ASXL3: variants seen among roughly 807,000 people sequenced by gnomAD.
The protein encoded by ASXL3 is putative Polycomb group protein ASXL3.
Under a neutral mutation model 170.6 loss-of-function variants are expected in ASXL3, and 34 were observed. The observed-to-expected ratio is 0.20, with a 90% CI of 0.15 to 0.27. The LOEUF (loss-of-function observed/expected upper bound fraction) is 0.27, where lower values mean the gene tolerates loss of function less well. Ranked by LOEUF, ASXL3 falls within the 10% of genes least tolerant of loss-of-function variation. The pLI, the probability that ASXL3 is intolerant of heterozygous loss-of-function variation, is 1.00. For synonymous variants in ASXL3, 1,002 were observed against 989.1 expected, an observed-to-expected ratio of 1.01 and a Z score of -0.24; for missense variants, 2,592 against 2,695.3, an observed-to-expected ratio of 0.96 and a Z score of 0.85.
Position 33,743,344 on chromosome 18 carries a change from A to G in ASXL3, c.3496A>G (p.Arg1166Gly), listed in dbSNP as rs1178956639. 1 of 1,613,670 alleles carries G rather than the reference A, an allele frequency of 6.2e-7. No homozygotes were observed. Among genetic ancestry groups the G allele is most frequent in the African/African-American group, 1.3e-5 (1 of 74,930 alleles). Residue 1166 changes from arginine to glycine, a missense_variant, in exon 12 of 12, where the codon AGA (arginine) becomes GGA (glycine). Arg to Gly is a moderately radical substitution (Grantham distance 125). Around this residue, in one of 4 missense-constraint regions of ASXL3, gnomAD observed 2,246 missense variants for 2,219.6 expected, o/e 1.01. Coordinates refer to ENST00000269197, the MANE Select transcript of ASXL3 (RefSeq NM_030632.3). ...TGVIIVNPNCRSPSNKSAHLR... is the reference protein window; with the variant it reads ...TGVIIVNPNCGSPSNKSAHLR... ...TGTCATTATTGTCAATCCAAACTGT[A>G]GATCTCCTAGCAACAAGTCTGCCCA...
At chr18:33,724,401 G>C (rs1456851494) in intron 8 of ASXL3, among the ~76,000 whole-genome samples, 1 of 151,830 alleles carries the variant, frequency 6.6e-6, no homozygotes, top group Non-Finnish European at 1.5e-5. Context: ...TCTCAAAATT[G>C]TCCCATTTTC....
intron 8 of ASXL3, among the ~76,000 whole-genome samples, chr18:33,712,179 T>C (rs1242312636): frequency 6.6e-6 from 1 of 152,188 alleles, no homozygotes; most frequent in Non-Finnish European, 1.5e-5. Context: ...TAAAGTATGA[T>C]TTTGGCTGTT....
intron 2 of ASXL3, among the ~76,000 whole-genome samples, chr18:33,608,799 G>T (rs187962047): frequency 5.9e-5 from 9 of 151,928 alleles, no homozygotes; most frequent in Admixed American, 5.9e-4. Context: ...TCCTTCTGAG[G>T]CTGACTTTTT....
intron 10 of ASXL3, 78 bp downstream of exon 10, chr18:33,734,493 A>G: frequency 2.4e-6 from 2 of 849,960 alleles, no homozygotes; most frequent in Non-Finnish European, 3.5e-6. Context: ...TAGCACACTC[A>G]TATGCTGTAA....
rs1212833590 is a variant in ASXL3, at chr18:33,744,697, A to G, written c.4849A>G (p.Thr1617Ala). 6.2e-7 allele frequency: 1 copy of G among 1,611,748 alleles called. No individual in the cohort carries two copies. The highest frequency in any genetic ancestry group is 1.3e-5 in the African/African-American group (1 of 74,914). ...ICWNDDGMRS[T>A]GQPLVTHSGS... ...CTGGAATGATGATGGGATGAGGAGC[A>G]CAGGACAGCCTCTGGTTACTCACTC... The change falls in exon 12 of 12, where the codon ACA becomes GCA. Residue 1617 changes from threonine to alanine, a missense_variant. Thr to Ala is a moderately conservative substitution (Grantham distance 58). Around this residue, in one of 4 missense-constraint regions of ASXL3, gnomAD observed 2,246 missense variants for 2,219.6 expected, o/e 1.01. Transcript: ENST00000269197.
intron 4 of ASXL3, among the ~76,000 whole-genome samples, chr18:33,651,733 A>G (rs2066002339): frequency 6.6e-6 from 1 of 152,130 alleles, no homozygotes; most frequent in Non-Finnish European, 1.5e-5. Flanking sequence ...AAAACTGATA[A>G]GAAATCTTAG....
At chr18:33,622,377 A>G (rs1036732326) in intron 2 of ASXL3, among the ~76,000 whole-genome samples, 1 of 152,144 alleles carries the variant, frequency 6.6e-6, no homozygotes, top group Non-Finnish European at 1.5e-5. Context: ...TATGCTGCTG[A>G]TTTTATTAAA....
chr18:33,582,636 T>G (rs1461812882), intron 1 of ASXL3, among the ~76,000 whole-genome samples: 1 of 152,164 alleles, frequency 6.6e-6, no homozygotes, highest in African/African-American at 2.4e-5. Context: ...GTAACATGGC[T>G]GATTTATTTA....
chr18:33,689,605 C>T (rs1044933778), intron 8 of ASXL3, among the ~76,000 whole-genome samples: 1 of 152,154 alleles, frequency 6.6e-6, no homozygotes, highest in African/African-American at 2.4e-5. Context: ...TACTCAGATT[C>T]AGATTATGTA....
chr18:33,727,941 G>C (rs1011742869), intron 8 of ASXL3, among the ~76,000 whole-genome samples: 3 of 151,972 alleles, frequency 2.0e-5, no homozygotes, highest in Admixed American at 2.0e-4. Flanking sequence ...TTTCCTCCAG[G>C]GCTAGCTTTC....
chr18:33,726,075 C>T (rs1162900851), intron 8 of ASXL3, among the ~76,000 whole-genome samples: 1 of 152,138 alleles, frequency 6.6e-6, no homozygotes, highest in East Asian at 1.9e-4. Flanking sequence ...GAATTATAAT[C>T]AGCATCTCAA....
At chr18:33,652,704 A>G (rs1421027621) in intron 4 of ASXL3, among the ~76,000 whole-genome samples, 1 of 150,216 alleles carries the variant, frequency 6.7e-6, no homozygotes, top group Non-Finnish European at 1.5e-5. Flanking sequence ...CTTTTTCATT[A>G]TTCTTTATGG....
intron 5 of ASXL3, among the ~76,000 whole-genome samples, chr18:33,668,981 A>G (rs1262453345): frequency 6.6e-6 from 1 of 152,110 alleles, no homozygotes; most frequent in Non-Finnish European, 1.5e-5. Context: ...TATATGCTAT[A>G]AAGACTCCTA....
intron 1 of ASXL3, among the ~76,000 whole-genome samples, chr18:33,585,902 A>G (rs1330815217): frequency 6.6e-6 from 1 of 152,214 alleles, no homozygotes; most frequent in Non-Finnish European, 1.5e-5. Context: ...AAACTAGATT[A>G]TGATTTTTTA....
chr18:33,584,312 T>C (rs925876008), intron 1 of ASXL3, among the ~76,000 whole-genome samples: 3 of 151,920 alleles, frequency 2.0e-5, no homozygotes, highest in African/African-American at 7.3e-5. Flanking sequence ...TGCGATCAGA[T>C]TGGGGAGGGA....
Position 33,745,057 on chromosome 18 carries a change from G to A in ASXL3, c.5209G>A (p.Gly1737Ser). The A allele has an allele frequency of 1.2e-6, 2 of 1,613,994 alleles. No individual in the cohort carries two copies. Among genetic ancestry groups the A allele is most frequent in the Non-Finnish European group, 1.7e-6 (2 of 1,179,890 alleles). Residue 1737 changes from glycine (G) to serine (S), a missense_variant, in exon 12 of 12, where the codon GGC becomes AGC. Coordinates refer to ENST00000269197, the MANE Select transcript of ASXL3 (RefSeq NM_030632.3). ...LKRVPGAGSS[G>S]CRLSSVEANN... ...GAGAGTCCCTGGTGCAGGGAGCTCA[G>A]GCTGTCGTCTGTCCTCTGTGGAGGC...
intron 1 of ASXL3, among the ~76,000 whole-genome samples, chr18:33,587,909 G>A (rs1411309369): frequency 6.6e-6 from 1 of 152,018 alleles, no homozygotes; most frequent in Non-Finnish European, 1.5e-5. Flanking sequence ...CATTTGTCAT[G>A]TCCATGAGTT....
At chr18:33,638,339 G>A (rs779780723) in intron 2 of ASXL3, among the ~76,000 whole-genome samples, 1 of 151,840 alleles carries the variant, frequency 6.6e-6, no homozygotes, top group African/African-American at 2.4e-5. Flanking sequence ...TTGGGATTAC[G>A]GGCATCAGCC....
intron 4 of ASXL3, among the ~76,000 whole-genome samples, chr18:33,656,608 C>G (rs1381862076): frequency 6.6e-6 from 1 of 151,906 alleles, no homozygotes; most frequent in Non-Finnish European, 1.5e-5. Context: ...ATTTTTATTT[C>G]CCCATGCAAA....
Sources: allele counts gnomAD v4.1 joint callset (sites outside exome capture counted in the v4.1 genomes callset), GRCh38; gene constraint gnomAD v4.1.1; regional missense constraint gnomAD v4.1.1; transcripts MANE v1.5; gene names NCBI Gene and HGNC (gene_info 2026-07-23, HGNC 2026-07-21).